The following TTLL5 variants were observed in gnomAD, a reference collection of about 807,000 sequenced individuals.
TTLL5 encodes the protein tubulin tyrosine ligase like 5, also known as tubulin polyglutamylase TTLL5.
TTLL5 carries 132 observed loss-of-function variants against 168.4 expected under a neutral mutation model. The observed-to-expected ratio is 0.78, with a 90% CI of 0.68 to 0.91. The LOEUF is 0.91. Among genes scored for constraint, TTLL5 ranks in the 40% least tolerant of loss-of-function variants. The pLI, the probability that TTLL5 is intolerant of heterozygous loss-of-function variation, is 0.00. For missense variants in TTLL5, 1,545 were observed against 1,581.5 expected (o/e 0.98, Z 0.39); for synonymous variants, 546 against 558.6 (o/e 0.98, Z 0.32).
At chr14:75,885,752 C>T (rs2032082439) in intron 30 of TTLL5, among the ~76,000 whole-genome samples, 1 of 152,132 alleles carries the variant, frequency 6.6e-6, no homozygotes, top group Admixed American at 6.5e-5. Context: ...TAGCAAGTTA[C>T]TCAACATCTC....
chr14:75,667,217 G>A (rs1883328195), intron 2 of TTLL5, among the ~76,000 whole-genome samples: 2 of 152,136 alleles, frequency 1.3e-5, no homozygotes, highest in South Asian at 4.1e-4. Flanking sequence ...TGTTGATTGT[G>A]CTCCCCTTGT....
At chr14:75,665,946 A>G (rs1365977145) in intron 2 of TTLL5, among the ~76,000 whole-genome samples, 3 of 152,250 alleles carry the variant, frequency 2.0e-5, no homozygotes, top group Admixed American at 6.5e-5. Flanking sequence ...TATATTCATA[A>G]TTAAGAAATA....
At chr14:75,674,981 A>G (rs1362151093) in intron 3 of TTLL5, among the ~76,000 whole-genome samples, 1 of 152,112 alleles carries the variant, frequency 6.6e-6, no homozygotes, top group Non-Finnish European at 1.5e-5. Context: ...CTCAATTTGC[A>G]AAATTTTCAT....
intron 20 of TTLL5, among the ~76,000 whole-genome samples, chr14:75,769,601 G>C (rs1891160915): frequency 1.3e-5 from 2 of 151,492 alleles, no homozygotes; most frequent in South Asian, 4.1e-4. Context: ...CTCAACTTAT[G>C]AGCAATAATC....
chr14:75,928,069 C>G (rs1451949391), intron 31 of TTLL5, among the ~76,000 whole-genome samples: 1 of 151,966 alleles, frequency 6.6e-6, no homozygotes, highest in Non-Finnish European at 1.5e-5. Flanking sequence ...TGCTGGGATG[C>G]TCTTGGTGTT....
At position 75,843,216 on chromosome 14, in the gene TTLL5, A is replaced by G. The variant is rs114786656; in HGVS notation, c.3327-20451A>G. Among the ~76,000 whole-genome samples, 225 of 152,264 alleles carry G rather than the reference A, an allele frequency of 1.5e-3. 1 individual carries two copies. Among genetic ancestry groups the G allele is most frequent in the African/African-American group, 5.0e-3 (209 of 41,556 alleles). ...ACCCTCTAGTCTGAAGCCCTCCTAG[A>G]TGCCAGTGTGGAAGTGCATGCACTT... is the stretch of plus-strand genomic sequence containing the variant. On this transcript the variant is annotated intron_variant, in intron 28 of 31. Coordinates refer to ENST00000298832, the MANE Select transcript of TTLL5 (RefSeq NM_015072.5).
At chr14:75,846,790 C>G (rs1291038713) in intron 28 of TTLL5, among the ~76,000 whole-genome samples, 1 of 64,162 alleles carries the variant, frequency 1.6e-5, no homozygotes, top group Non-Finnish European at 2.9e-5. Flanking sequence ...AACTCCATCT[C>G]AGAAAAAAAA....
intron 18 of TTLL5, among the ~76,000 whole-genome samples, chr14:75,762,533 C>T (rs566513271): frequency 6.6e-6 from 1 of 152,288 alleles, no homozygotes; most frequent in South Asian, 2.1e-4. Flanking sequence ...GCTGGACAGT[C>T]TCATAAGCAT....
chr14:75,841,568 C>T (rs976605894), intron 28 of TTLL5, among the ~76,000 whole-genome samples: 31 of 152,238 alleles, frequency 2.0e-4, no homozygotes, highest in African/African-American at 7.5e-4. Context: ...ATATGATCTA[C>T]TTCCCTAAGT....
chr14:75,797,830 T>C (rs1893075666), intron 27 of TTLL5, among the ~76,000 whole-genome samples: 1 of 152,072 alleles, frequency 6.6e-6, no homozygotes, highest in Non-Finnish European at 1.5e-5. Flanking sequence ...GAAACTGCAA[T>C]TACTTGTGTA....
rs60876052 is a variant in TTLL5, at chr14:75,927,872, G to A, written c.3823+25648G>A. 7.2e-5 allele frequency among the ~76,000 whole-genome samples: 11 copies of A among 152,294 alleles called. No individual in the cohort carries two copies. In the East Asian group the frequency reaches 2.1e-3, roughly 29 times the overall value. On this transcript the variant is annotated intron_variant, in intron 31 of 31. Coordinates refer to ENST00000298832, the MANE Select transcript of TTLL5 (RefSeq NM_015072.5). ...CCTCATGCTTCAAATCCACGAAAGA[G>A]CAGCTGAGAATGGGGCTAGCTGTGC...
intron 8 of TTLL5, 81 bp from the exon 9 acceptor site, chr14:75,707,542 T>G: frequency 8.0e-7 from 1 of 1,246,036 alleles, no homozygotes; most frequent in Non-Finnish European, 1.1e-6. Context: ...TCTTTCATGT[T>G]TCTTGGTTTC....
chr14:75,865,252 G>A (rs1358137199), intron 29 of TTLL5, among the ~76,000 whole-genome samples: 1 of 149,358 alleles, frequency 6.7e-6, no homozygotes, highest in Non-Finnish European at 1.5e-5. Context: ...ATACAAATGT[G>A]TGTCTTAGTT....
At chr14:75,715,114 CT>C (rs1449513701) in intron 9 of TTLL5, among the ~76,000 whole-genome samples, 3 of 151,966 alleles carry the variant, frequency 2.0e-5, no homozygotes, top group Admixed American at 1.3e-4. Flanking sequence ...TGCTCAATTC[CT>C]TTGTATGTGG....
chr14:75,783,435 G>C lies in TTLL5; in HGVS notation c.2891G>C (p.Arg964Pro). 6.2e-7 allele frequency: 1 copy of C among 1,614,144 alleles called. No individual in the cohort carries two copies. The highest frequency in any genetic ancestry group is 8.5e-7 in the Non-Finnish European group (1 of 1,180,018). ...IPSPTGLPRCRSGSHTIGPFS... is the reference protein window; with the variant it reads ...IPSPTGLPRCPSGSHTIGPFS... ...AGCCCTACTGGCCTGCCACGCTGTC[G>C]ATCAGGAAGTCACACCATTGGTCCC... Residue 964 changes from arginine (R) to proline (P), a missense_variant, in exon 26 of 32, where the codon CGA becomes CCA. Coordinates refer to ENST00000298832, the MANE Select transcript of TTLL5 (RefSeq NM_015072.5).
At chr14:75,870,917 C>G (rs528176738) in intron 29 of TTLL5, among the ~76,000 whole-genome samples, 2 of 151,922 alleles carry the variant, frequency 1.3e-5, no homozygotes, top group South Asian at 2.1e-4. Flanking sequence ...GCCTCAGCCT[C>G]CCAAGTAGCT....
Position 75,745,281 on chromosome 14 carries a change from T to C in TTLL5, c.1395+73T>C, listed in dbSNP as rs1889534084. On this transcript the variant is annotated intron_variant, in intron 16 of 31. Coordinates refer to ENST00000298832, the MANE Select transcript of TTLL5 (RefSeq NM_015072.5). ...GTGAAAATTAGTGAGTGATTGATAA[T>C]ATTCATGACAAACTCATGTCTTACA... 2.1e-6 allele frequency: 3 copies of C among 1,416,040 alleles called. No homozygotes were observed. In the South Asian group the frequency reaches 3.6e-5, roughly 17 times the overall value. 87.7% of individuals were successfully genotyped at this position (1,416,040 alleles called of 1,614,324 possible). A position where few individuals can be genotyped will look rare whatever the true frequency, so the allele number is the denominator to read the frequency against.
At chr14:75,718,788 C>T (rs1176062766) in intron 10 of TTLL5, among the ~76,000 whole-genome samples, 4 of 152,066 alleles carry the variant, frequency 2.6e-5, no homozygotes, top group African/African-American at 9.7e-5. Context: ...TTCTTTCATG[C>T]CGATATTTTT....
At chr14:75,887,618 A>C (rs945473507) in intron 30 of TTLL5, among the ~76,000 whole-genome samples, 3 of 152,200 alleles carry the variant, frequency 2.0e-5, no homozygotes, top group African/African-American at 7.2e-5. Flanking sequence ...GCAGGTGTTC[A>C]GTGGCTGAGC....
Sources: allele counts gnomAD v4.1 joint callset (sites outside exome capture counted in the v4.1 genomes callset), GRCh38; gene constraint gnomAD v4.1.1; transcripts MANE v1.5; gene names NCBI Gene and HGNC (gene_info 2026-07-23, HGNC 2026-07-21).